Variants in NELL1 observed in about 807,000 individuals in gnomAD.
The protein encoded by NELL1 is neural EGFL like 1, also known as protein kinase C-binding protein NELL1.
A neutral mutation model predicts 107.4 loss-of-function variants in NELL1; 76 were observed. The observed-to-expected ratio is 0.71, with a 90% CI of 0.59 to 0.86. The LOEUF (loss-of-function observed/expected upper bound fraction) is 0.86, where lower values mean the gene tolerates loss of function less well. NELL1 is among the 40% of genes least tolerant of loss of function. The pLI, the probability that NELL1 is intolerant of heterozygous loss-of-function variation, is 0.00. For missense variants in NELL1, 1,024 were observed against 1,005.5 expected, an observed-to-expected ratio of 1.02 and a Z score of -0.25; for synonymous variants, 353 against 341.2, an observed-to-expected ratio of 1.03 and a Z score of -0.38.
At chr11:21,097,254 G>A (rs994821877) in intron 12 of NELL1, among the ~76,000 whole-genome samples, 5 of 152,032 alleles carry the variant, frequency 3.3e-5, no homozygotes, top group African/African-American at 4.8e-5. Context: ...TGACATTGTT[G>A]GATATAAAAT....
chr11:21,139,168 C>T (rs1855808876), intron 13 of NELL1, among the ~76,000 whole-genome samples: 2 of 152,190 alleles, frequency 1.3e-5, no homozygotes, highest in Admixed American at 6.5e-5. Context: ...GGAAGAGGAC[C>T]TTCTTTGGAA....
chr11:21,099,098 A>T (rs1007940052), intron 12 of NELL1, among the ~76,000 whole-genome samples: 1 of 151,846 alleles, frequency 6.6e-6, no homozygotes, highest in Non-Finnish European at 1.5e-5. Flanking sequence ...GCTACTCCTA[A>T]AGAAGGTTTC....
chr11:20,872,601 A>AAAGTCCTG (rs1849223655), intron 4 of NELL1, among the ~76,000 whole-genome samples: 1 of 151,952 alleles, frequency 6.6e-6, no homozygotes, highest in South Asian at 2.1e-4. Context: ...GGTGGTTTCC[A>AAAGTCCTG]AAGTCCTGAA....
At chr11:21,234,433 G>C (rs1858147777) in intron 14 of NELL1, among the ~76,000 whole-genome samples, 1 of 152,234 alleles carries the variant, frequency 6.6e-6, no homozygotes, top group Non-Finnish European at 1.5e-5. Flanking sequence ...CAACTTTGGG[G>C]TTTCTCACTC....
chr11:21,541,802 T>C (rs1196248380), intron 16 of NELL1, among the ~76,000 whole-genome samples: 1 of 152,096 alleles, frequency 6.6e-6, no homozygotes, highest in Non-Finnish European at 1.5e-5. Context: ...ATATGTGTTT[T>C]TATATGCAAA....
chr11:21,159,972 G>A (rs1424720324), intron 13 of NELL1, among the ~76,000 whole-genome samples: 7 of 152,184 alleles, frequency 4.6e-5, no homozygotes, highest in East Asian at 3.8e-4. Flanking sequence ...CAGAATGTCC[G>A]TTCGTGATTC....
chr11:21,341,728 C>A (rs1442743343), intron 14 of NELL1, among the ~76,000 whole-genome samples: 1 of 152,200 alleles, frequency 6.6e-6, no homozygotes, highest in Non-Finnish European at 1.5e-5. Context: ...AGTCTTAAAA[C>A]TCACTTTCTT....
chr11:20,893,978 T>C (rs7110493), intron 5 of NELL1, among the ~76,000 whole-genome samples: 3,647 of 152,196 alleles, frequency 0.024, 127 homozygotes, highest in African/African-American at 0.074. Context: ...AAGATGTATG[T>C]ACTGAATAAC....
intron 12 of NELL1, among the ~76,000 whole-genome samples, chr11:21,054,344 A>G (rs987934630): frequency 2.0e-5 from 3 of 152,124 alleles, no homozygotes; most frequent in Non-Finnish European, 4.4e-5. Context: ...CTTGCATTCT[A>G]TCTTTTATGT....
chr11:21,139,876 A>T (rs1272676369), intron 13 of NELL1, among the ~76,000 whole-genome samples: 1 of 152,138 alleles, frequency 6.6e-6, no homozygotes, highest in African/African-American at 2.4e-5. Flanking sequence ...CAACACAAGG[A>T]TGTCATCAAG....
chr11:20,677,807 A>G, intron 1 of NELL1, 125 bp from the exon 2 acceptor site: 1 of 1,105,600 alleles, frequency 9.0e-7, no homozygotes, highest in Non-Finnish European at 1.3e-6. Context: ...CCCTCCATAG[A>G]CAAAGACTCT....
intron 12 of NELL1, among the ~76,000 whole-genome samples, chr11:21,106,203 A>G (rs992683372): frequency 2.6e-5 from 4 of 151,978 alleles, no homozygotes; most frequent in African/African-American, 9.7e-5. Flanking sequence ...GAGAGGCAAT[A>G]CAGACTGTGG....
intron 15 of NELL1, among the ~76,000 whole-genome samples, chr11:21,380,179 C>T (rs1005845866): frequency 3.3e-5 from 5 of 152,010 alleles, no homozygotes; most frequent in African/African-American, 1.2e-4. Context: ...CTATCATCAA[C>T]GTTGCTTCTT....
At chr11:21,063,671 A>G (rs1853798663) in intron 12 of NELL1, among the ~76,000 whole-genome samples, 1 of 152,196 alleles carries the variant, frequency 6.6e-6, no homozygotes, top group Admixed American at 6.5e-5. Flanking sequence ...GTAACACAAC[A>G]GACTGAAAAG....
At chr11:20,698,919 A>G (rs1008302119) in intron 2 of NELL1, among the ~76,000 whole-genome samples, 1 of 152,188 alleles carries the variant, frequency 6.6e-6, no homozygotes, top group Non-Finnish European at 1.5e-5. Context: ...TACTTCATTT[A>G]GAATAACGGT....
chr11:21,541,896 G>A (rs1412197825), intron 16 of NELL1, among the ~76,000 whole-genome samples: 1 of 151,986 alleles, frequency 6.6e-6, no homozygotes, highest in East Asian at 1.9e-4. Flanking sequence ...AACAATAACA[G>A]TAATACTAAT....
chr11:20,782,053 A>T (rs1050418150), intron 2 of NELL1, among the ~76,000 whole-genome samples: 2 of 151,430 alleles, frequency 1.3e-5, no homozygotes, highest in African/African-American at 4.9e-5. Flanking sequence ...AAAAAAAAAA[A>T]TAATAATGAT....
chr11:20,711,933 A>C (rs1855122749), intron 2 of NELL1, among the ~76,000 whole-genome samples: 1 of 152,114 alleles, frequency 6.6e-6, no homozygotes, highest in Non-Finnish European at 1.5e-5. Flanking sequence ...ATCTTTAGTA[A>C]GATGCCTAGA....
At chr11:21,466,696 T>C (rs1357160386) in intron 15 of NELL1, among the ~76,000 whole-genome samples, 1 of 152,130 alleles carries the variant, frequency 6.6e-6, no homozygotes, top group Non-Finnish European at 1.5e-5. Flanking sequence ...TAAAATGTTC[T>C]CTGAGGCTCC....
Sources: gnomAD v4.1 joint callset for allele counts (sites outside exome capture counted in the v4.1 genomes callset) on GRCh38, gnomAD v4.1.1 for gene constraint, MANE v1.5 for transcripts, NCBI Gene and HGNC (gene_info 2026-07-23, HGNC 2026-07-21) for gene names.